The following LZTS1 variants were observed in gnomAD, a reference collection of about 807,000 sequenced individuals.
LZTS1 encodes leucine zipper tumor suppressor 1.
A neutral mutation model predicts 45.8 loss-of-function variants in LZTS1; 31 were observed. The observed-to-expected ratio is 0.68, with a 90% confidence interval of 0.51 to 0.91. LZTS1 has a LOEUF of 0.91. Among genes scored for constraint, LZTS1 ranks in the 40% least tolerant of loss-of-function variants. The probability of loss-of-function intolerance (pLI) is 0.00; values close to 1 mark genes in which losing one functional copy is unlikely to be tolerated. For missense variants in LZTS1, 821 were observed against 788.9 expected, an observed-to-expected ratio of 1.04 and a Z score of -0.49; for synonymous variants, 359 against 357.3, an observed-to-expected ratio of 1.00 and a Z score of -0.05.
intron 1 of LZTS1, among the ~76,000 whole-genome samples, chr8:20,297,509 G>A (rs1297972628): frequency 6.6e-6 from 1 of 152,144 alleles, no homozygotes; most frequent in Non-Finnish European, 1.5e-5. Flanking sequence ...CCGCCTCCCG[G>A]GTTCAAGCAA....
chr8:20,278,126 G>A (rs1800620485), intron 1 of LZTS1, among the ~76,000 whole-genome samples: 1 of 152,184 alleles, frequency 6.6e-6, no homozygotes, highest in Admixed American at 6.5e-5. Context: ...ATTGGTCACA[G>A]CTGGTGCCAG....
chr8:20,299,397 C>T (rs1346066663), intron 1 of LZTS1, among the ~76,000 whole-genome samples: 2 of 152,206 alleles, frequency 1.3e-5, no homozygotes, highest in Non-Finnish European at 2.9e-5. Context: ...ATTGCAAAAA[C>T]CACAATTACT....
rs137962680 is a variant in LZTS1, at chr8:20,255,172, C to T, written c.10G>A (p.Val4Ile). The change falls in exon 2 of 4, where the codon GTC becomes ATC. Residue 4 changes from valine to isoleucine, a missense_variant. By Grantham distance (29) the Val-to-Ile change is conservative. Coordinates refer to ENST00000381569, the MANE Select transcript of LZTS1 (RefSeq NM_021020.5). Reference protein sequence around the residue: MGSVSSLISGHSFH... With the variant: MGSISSLISGHSFH... ...CTGTGGCCGGAGATGAGGCTACTGACGCTGCCCATGGTGACTCGGGGCTGA... is the reference window on the plus strand; with the variant it reads ...CTGTGGCCGGAGATGAGGCTACTGATGCTGCCCATGGTGACTCGGGGCTGA... 7.4e-6 allele frequency: 12 copies of T among 1,611,616 alleles called. No individual in the cohort carries two copies. Among genetic ancestry groups the T allele is most frequent in the South Asian group, 5.5e-5 (5 of 90,950 alleles).
intron 1 of LZTS1, among the ~76,000 whole-genome samples, chr8:20,284,578 T>C (rs1800753766): frequency 6.6e-6 from 1 of 151,636 alleles, no homozygotes; most frequent in Non-Finnish European, 1.5e-5. Flanking sequence ...CCCAAGAGAG[T>C]GTTCTTCACT....
At chr8:20,264,891 C>T (rs767331486) in intron 1 of LZTS1, among the ~76,000 whole-genome samples, 4 of 152,044 alleles carry the variant, frequency 2.6e-5, no homozygotes, top group East Asian at 1.9e-4. Context: ...AAGAGGGAAA[C>T]GGGAGAAAGA....
chr8:20,252,794 C>T lies in LZTS1; in HGVS notation c.1137G>A (p.Glu379=). 6 of 1,517,538 alleles carry T rather than the reference C, an allele frequency of 4.0e-6. No homozygotes were observed. The highest frequency in any genetic ancestry group is 1.4e-5 in the African/African-American group (1 of 71,866). The allele number at this position is 1,517,538 out of a possible 1,614,324, so 94.0% of individuals were successfully genotyped here. ...TGTGTGGCCTCACCTCCCACTGGGT[C>T]TCCTCCAGCGCGGGGCCGAAGCTGG... The part of the protein sequence containing the change: ...EKTSFGPALE[E]TQWEVCQKSG... Residue 379 remains glutamate, a synonymous_variant, in exon 3 of 4, where the codon GAG becomes GAA. Coordinates refer to ENST00000381569, the MANE Select transcript of LZTS1 (RefSeq NM_021020.5).
In LZTS1 at chr8:20,303,753, C is replaced by G; in HGVS notation, c.-148G>C. The G allele has an allele frequency of 1.0e-6, 1 of 985,436 alleles. No homozygotes were observed. Among genetic ancestry groups the G allele is most frequent in the Non-Finnish European group, 1.2e-6 (1 of 830,198 alleles). The allele number at this position is 985,436 out of a possible 1,614,324, so 61.0% of individuals were successfully genotyped here. ...ACCGCACCTTACCTGCCCCCTGCGCCTCGGGCGCACTTGAGACTTTTTTTT... is the reference window on the plus strand; with the variant it reads ...ACCGCACCTTACCTGCCCCCTGCGCGTCGGGCGCACTTGAGACTTTTTTTT... On this transcript the variant is annotated 5_prime_UTR_variant, in exon 1 of 4. Transcript: ENST00000381569.
rs1336255583 is a variant in LZTS1 at position 20,246,845 on chromosome 8, G to A, written c.*2877C>T. 1 of 152,408 alleles carries A rather than the reference G, an allele frequency of 6.6e-6. No homozygotes were observed. Among genetic ancestry groups the A allele is most frequent in the Non-Finnish European group, 1.5e-5 (1 of 68,282 alleles). The allele number at this position is 152,408 out of a possible 1,614,324, so 9.4% of individuals were successfully genotyped here. A position where few individuals can be genotyped will look rare whatever the true frequency, so the allele number is the denominator to read the frequency against. On this transcript the variant is annotated 3_prime_UTR_variant, in exon 4 of 4. Transcript: ENST00000381569. The stretch of plus-strand genomic sequence containing the variant: ...GGTTGGTCCATCCGAGTGGGTCAGT[G>A]GGTCGGCCAGCAGGCGTGCCCAGAG...
chr8:20,252,621 G>A (rs1373278965), intron 3 of LZTS1, among the ~76,000 whole-genome samples, 161 bp downstream of exon 3: 1 of 152,224 alleles, frequency 6.6e-6, no homozygotes, highest in Non-Finnish European at 1.5e-5. Context: ...CCCCCAACAT[G>A]GTTTGCAGGG....
intron 1 of LZTS1, among the ~76,000 whole-genome samples, chr8:20,276,117 T>C (rs1426812370): frequency 6.6e-6 from 1 of 152,168 alleles, no homozygotes; most frequent in Non-Finnish European, 1.5e-5. Flanking sequence ...AGAAATAATA[T>C]AATCCTGGGA....
At chr8:20,271,536 C>T (rs574407269) in intron 1 of LZTS1, among the ~76,000 whole-genome samples, 2 of 152,258 alleles carry the variant, frequency 1.3e-5, no homozygotes, top group African/African-American at 4.8e-5. Flanking sequence ...TGTAGATGCT[C>T]GGGGTCACTC....
At chr8:20,285,736 C>T (rs1800782207) in intron 1 of LZTS1, among the ~76,000 whole-genome samples, 1 of 152,162 alleles carries the variant, frequency 6.6e-6, no homozygotes, top group Non-Finnish European at 1.5e-5. Context: ...TAACCAAGAC[C>T]ATTTGGTGAA....
intron 1 of LZTS1, 81 bp from the exon 2 acceptor site, chr8:20,255,396 C>T: frequency 9.7e-7 from 1 of 1,032,046 alleles, no homozygotes. Context: ...CAGATCTGGG[C>T]AGTAGAGAAA....
intron 1 of LZTS1, among the ~76,000 whole-genome samples, chr8:20,298,816 A>C (rs1801020702): frequency 6.6e-6 from 1 of 152,206 alleles, no homozygotes; most frequent in African/African-American, 2.4e-5. Context: ...GATTGCAGTA[A>C]GCTGAGCCGT....
At chr8:20,261,973 G>A (rs796646163) in intron 1 of LZTS1, among the ~76,000 whole-genome samples, 5 of 151,710 alleles carry the variant, frequency 3.3e-5, no homozygotes, top group Admixed American at 6.6e-5. Context: ...CCCCCTCTCC[G>A]TCCCACACCT....
intron 3 of LZTS1, among the ~76,000 whole-genome samples, chr8:20,252,362 G>C (rs899478123): frequency 6.6e-6 from 1 of 152,186 alleles, no homozygotes; most frequent in Non-Finnish European, 1.5e-5. Flanking sequence ...AGTGGGTGCA[G>C]TCCCTCCCTC....
chr8:20,268,172 C>G (rs189083297), intron 1 of LZTS1, among the ~76,000 whole-genome samples: 8 of 138,050 alleles, frequency 5.8e-5, no homozygotes, highest in Non-Finnish European at 1.1e-4. Context: ...CCACCCCCAC[C>G]CCCACCCCCA....
intron 1 of LZTS1, among the ~76,000 whole-genome samples, chr8:20,286,662 C>T (rs984174076): frequency 1.3e-5 from 2 of 152,146 alleles, no homozygotes; most frequent in African/African-American, 4.8e-5. Flanking sequence ...GCAGAAATGG[C>T]CACATGTGTT....
rs189551383 is a variant in LZTS1, at chr8:20,249,624, G to C, written c.*98C>G. ...CTGGGTCTGTGTCCCAGGGAGTGGC[G>C]TCTCTCAGAGGGGTCTGAATTGCTG... On this transcript the variant is annotated 3_prime_UTR_variant, in exon 4 of 4. Coordinates refer to ENST00000381569, the MANE Select transcript of LZTS1 (RefSeq NM_021020.5). The C allele has an allele frequency of 3.5e-6, 5 of 1,434,436 alleles. No homozygotes were observed. In the African/African-American group the frequency reaches 7.1e-5, roughly 20 times the overall value. The allele number at this position is 1,434,436 out of a possible 1,614,324, so 88.9% of individuals were successfully genotyped here. A position where few individuals can be genotyped will look rare whatever the true frequency, so the allele number is the denominator to read the frequency against.
Sources: gnomAD v4.1 joint callset for allele counts (sites outside exome capture counted in the v4.1 genomes callset) on GRCh38, gnomAD v4.1.1 for gene constraint, MANE v1.5 for transcripts, NCBI Gene and HGNC (gene_info 2026-07-23, HGNC 2026-07-21) for gene names.